The following ZFHX3 variants were observed in gnomAD, a reference collection of about 807,000 sequenced individuals.
ZFHX3 encodes zinc finger homeobox 3.
In ZFHX3, 42 loss-of-function variants were observed where a neutral mutation model predicts 279.1. That is an observed-to-expected ratio of 0.15 (90% CI 0.12 to 0.19). The LOEUF (loss-of-function observed/expected upper bound fraction) is 0.19, where lower values mean the gene tolerates loss of function less well. Ranked by LOEUF, ZFHX3 falls within the 10% of genes least tolerant of loss-of-function variation. The pLI is 1.00. For synonymous variants in ZFHX3, 2,293 were observed against 1,957.8 expected (o/e 1.17, Z -4.52); for missense variants, 4,981 against 4,754.0 (o/e 1.05, Z -1.40).
chr16:73,587,182 T>C (rs562266346), intron 2 of ZFHX3, among the ~76,000 whole-genome samples: 10 of 152,292 alleles, frequency 6.6e-5, no homozygotes, highest in African/African-American at 2.4e-4. Flanking sequence ...TTCAGAACCA[T>C]GATAGAAGCT....
At chr16:73,438,218 A>C (rs1683317353) in intron 3 of ZFHX3, among the ~76,000 whole-genome samples, 1 of 152,198 alleles carries the variant, frequency 6.6e-6, no homozygotes, top group Non-Finnish European at 1.5e-5. Context: ...AGAGAATTTC[A>C]GCTCATCAAG....
At chr16:73,395,234 G>A (rs912865046) in intron 3 of ZFHX3, among the ~76,000 whole-genome samples, 2 of 152,194 alleles carry the variant, frequency 1.3e-5, no homozygotes, top group Admixed American at 6.5e-5. Context: ...GGAGGCCGAG[G>A]CAGGTGGATC....
intron 3 of ZFHX3, among the ~76,000 whole-genome samples, chr16:72,928,737 G>C (rs146648639): frequency 6.6e-6 from 1 of 152,318 alleles, no homozygotes; most frequent in Admixed American, 6.5e-5. Context: ...CAGTAGGGAG[G>C]ATGGCTTGAG....
At chr16:73,546,683 C>A (rs867241818) in intron 2 of ZFHX3, among the ~76,000 whole-genome samples, 1 of 60,988 alleles carries the variant, frequency 1.6e-5, no homozygotes, top group African/African-American at 2.2e-4. Context: ...GCTGCTGCTG[C>A]TGCTGCTGCT....
At chr16:72,815,294 GCT>G (rs1349390946) in intron 5 of ZFHX3, among the ~76,000 whole-genome samples, 1 of 151,958 alleles carries the variant, frequency 6.6e-6, no homozygotes, top group Non-Finnish European at 1.5e-5. Flanking sequence ...TATAGTCCTA[GCT>G]ACTCAGGAGG....
At chr16:73,026,673 C>CAAAAAAAAAAAAAAAAAA (rs10561679) in intron 1 of ZFHX3, among the ~76,000 whole-genome samples, 2 of 79,624 alleles carry the variant, frequency 2.5e-5, no homozygotes, top group Non-Finnish European at 2.6e-5. Flanking sequence ...AAAACTGCCT[C>CAAAAAAAAAAAAAAAAAA]AAAAAAAAAA....
In ZFHX3 at chr16:73,239,156, A is replaced by C. The variant is rs142482838; in HGVS notation, c.-1104+17891T>G. ...TACTATTTTTATTCCAAGTATCATA[A>C]ATAGTATTTTTCCAGCTGTAAGATT... is the stretch of plus-strand genomic sequence containing the variant. On this transcript the variant is annotated intron_variant, in intron 5 of 17. Coordinates refer to the ZFHX3 transcript ENST00000641206. Among the ~76,000 whole-genome samples the C allele has an allele frequency of 3.0e-3, 456 of 152,342 alleles. 9 individuals are homozygous for C. In the South Asian group the frequency reaches 0.046, roughly 15 times the overall value.
At position 73,122,624 on chromosome 16, in the gene ZFHX3, G is replaced by A. The variant is rs112777121; in HGVS notation, c.-897+8344C>T. 7.0e-3 allele frequency among the ~76,000 whole-genome samples: 1,069 copies of A among 152,288 alleles called. 13 individuals are homozygous for A. Among genetic ancestry groups the A allele is most frequent in the African/African-American group, 0.024 (1,002 of 41,556 alleles). On this transcript the variant is annotated intron_variant, in intron 7 of 17. Transcript: ENST00000641206. ...TGACCAACTTGGGGGGCCATCAGGG[G>A]ATTCCCTGTAGACAAACTGTCCAGC...
chr16:73,135,878 G>A (rs1313507799), intron 6 of ZFHX3, among the ~76,000 whole-genome samples: 1 of 143,424 alleles, frequency 7.0e-6, no homozygotes, highest in Non-Finnish European at 1.5e-5. Flanking sequence ...TTTTTTTTGA[G>A]ACAGAATCTC....
chr16:73,659,862 C>T (rs2052762363), intron 2 of ZFHX3, among the ~76,000 whole-genome samples: 1 of 151,926 alleles, frequency 6.6e-6, no homozygotes, highest in Non-Finnish European at 1.5e-5. Context: ...CTTAACAAAG[C>T]CATTTAATAA....
chr16:73,294,221 G>C (rs779841826), intron 4 of ZFHX3: 1 of 152,140 alleles, frequency 6.6e-6, no homozygotes, highest in Non-Finnish European at 1.5e-5. Context: ...GTCTGTCCTT[G>C]AGAGGAGGAG....
chr16:73,103,848 A>G (rs1966261220), intron 7 of ZFHX3, among the ~76,000 whole-genome samples: 1 of 152,148 alleles, frequency 6.6e-6, no homozygotes, highest in Admixed American at 6.5e-5. Context: ...TCATCTTCCT[A>G]GATCTTCAGA....
chr16:73,413,153 G>C (rs1267160368), intron 3 of ZFHX3, among the ~76,000 whole-genome samples: 1 of 152,240 alleles, frequency 6.6e-6, no homozygotes, highest in East Asian at 1.9e-4. Context: ...AGCAGGACTA[G>C]AGACATTCTT....
In ZFHX3 at chr16:72,872,936, C is replaced by G. The variant is rs150012762; in HGVS notation, c.3448+16795G>C. Among the ~76,000 whole-genome samples the G allele has an allele frequency of 9.8e-5, 15 of 152,292 alleles. No homozygotes were observed. In the East Asian group the frequency reaches 2.7e-3, roughly 27 times the overall value. On this transcript the variant is annotated intron_variant, in intron 4 of 9. Coordinates refer to ENST00000268489, the MANE Select transcript of ZFHX3 (RefSeq NM_006885.4). Reference sequence around the variant, plus strand: ...GCAGAATGGCCTGCTCATTGGCTCCCGACCAGAGTCCTGAACTCCCACAAC... The same window carrying G: ...GCAGAATGGCCTGCTCATTGGCTCCGGACCAGAGTCCTGAACTCCCACAAC...
At chr16:73,058,567 T>C in exon 1 of ZFHX3, 1 of 187,200 alleles carries the variant, frequency 5.3e-6, no homozygotes, top group Non-Finnish European at 1.0e-5. Flanking sequence ...GCAGCGGCGC[T>C]GCTGGCGACG....
chr16:73,062,677 G>A (rs1204924437), upstream of ZFHX3, among the ~76,000 whole-genome samples: 3 of 151,718 alleles, frequency 2.0e-5, no homozygotes, highest in East Asian at 1.9e-4. Context: ...CCTAGCTCTG[G>A]GCCCTGGGTT....
At chr16:73,366,347 G>T (rs1055851138) in intron 3 of ZFHX3, among the ~76,000 whole-genome samples, 1 of 152,036 alleles carries the variant, frequency 6.6e-6, no homozygotes, top group African/African-American at 2.4e-5. Context: ...TTTTTAAAAG[G>T]CTCATGATGT....
At chr16:73,445,704 T>C (rs895615029) in intron 3 of ZFHX3, among the ~76,000 whole-genome samples, 10 of 152,204 alleles carry the variant, frequency 6.6e-5, no homozygotes, top group African/African-American at 2.4e-4. Context: ...TGGAGTCTCA[T>C]TCATTGAGAG....
Position 73,435,277 on chromosome 16 carries a change from C to T in ZFHX3, c.-1291+20726G>A, listed in dbSNP as rs112798882. 7.9e-4 allele frequency among the ~76,000 whole-genome samples: 120 copies of T among 152,188 alleles called. 1 individual carries two copies. The highest frequency in any genetic ancestry group is 3.4e-3 in the Middle Eastern group (1 of 294). On this transcript the variant is annotated intron_variant, in intron 3 of 17. Coordinates refer to the ZFHX3 transcript ENST00000641206. The stretch of plus-strand genomic sequence containing the variant: ...AAGCTGGAGTGCAGTGATGCGATCT[C>T]GGCTCACTGCAACCTCCACCTCCCG...
Sources: gnomAD v4.1 joint callset for allele counts (sites outside exome capture counted in the v4.1 genomes callset) on GRCh38, gnomAD v4.1.1 for gene constraint, MANE v1.5 for transcripts, NCBI Gene and HGNC (gene_info 2026-07-23, HGNC 2026-07-21) for gene names.